Variants in TPM1 observed in about 807,000 individuals in gnomAD.
TPM1 encodes the protein tropomyosin alpha-1 chain.
Under a neutral mutation model 42.9 loss-of-function variants are expected in TPM1, and 24 were observed. The observed-to-expected ratio is 0.56, with a 90% CI of 0.41 to 0.79. TPM1 has a LOEUF of 0.79. TPM1 is among the 30% of genes least tolerant of loss of function. TPM1 has a pLI of 0.00. For missense variants in TPM1, 158 were observed against 351.8 expected (o/e 0.45, Z 4.41); for synonymous variants, 136 against 130.1 (o/e 1.05, Z -0.31).
intron 2 of TPM1, chr15:63,048,504 G>T: frequency 2.0e-6 from 3 of 1,465,580 alleles, no homozygotes; most frequent in Non-Finnish European, 2.7e-6. Flanking sequence ...GGACAGCCGC[G>T]GCAGCCGGGT....
At chr15:63,065,225 C>G in intron 9 of TPM1, 2 of 986,542 alleles carry the variant, frequency 2.0e-6, no homozygotes, top group Non-Finnish European at 1.2e-6. Flanking sequence ...AACTAATTTA[C>G]ATATTACTAA....
At chr15:63,048,816 C>A in intron 2 of TPM1, 1 of 1,443,448 alleles carries the variant, frequency 6.9e-7, no homozygotes, top group Non-Finnish European at 9.4e-7. Flanking sequence ...CTCGTCCCCA[C>A]GCCTCCAGGG....
At chr15:63,043,823 G>T in intron 1 of TPM1, 2 of 1,548,622 alleles carry the variant, frequency 1.3e-6, no homozygotes, top group Non-Finnish European at 1.7e-6. Flanking sequence ...CGAAGAGGCC[G>T]CCGCCAAGGT....
intron 4 of TPM1, 69 bp from the exon 5 acceptor site, chr15:63,060,800 C>G: frequency 1.3e-6 from 2 of 1,554,444 alleles, no homozygotes; most frequent in South Asian, 2.2e-5. Context: ...CTGATCTCTA[C>G]CCCCATGCCC....
intron 5 of TPM1, 167 bp downstream of exon 5, chr15:63,061,106 G>A (rs934885054): frequency 1.4e-6 from 2 of 1,470,418 alleles, no homozygotes; most frequent in African/African-American, 2.8e-5. Context: ...CTCGTGTGGG[G>A]TGTCTTATGT....
chr15:63,046,154 T>G (rs2032334600), intron 2 of TPM1: 1 of 152,256 alleles, frequency 6.6e-6, no homozygotes, highest in Non-Finnish European at 1.5e-5. Flanking sequence ...AGTGTGTTAC[T>G]GTACTGAATA....
chr15:63,054,682 C>T lies in TPM1; in HGVS notation c.241-2303C>T, dbSNP rs545446979. Reference sequence around the variant, plus strand: ...TTTTGAAAATCTTGCTGGCATTTCTCTAATAGGCCATAGCCTCTGTAACAA... The same window carrying T: ...TTTTGAAAATCTTGCTGGCATTTCTTTAATAGGCCATAGCCTCTGTAACAA... On this transcript the variant is annotated intron_variant, in intron 2 of 9. Transcript: ENST00000403994. 3.3e-5 allele frequency: 5 copies of T among 152,258 alleles called. No individual in the cohort carries two copies. In the East Asian group the frequency reaches 9.6e-4, roughly 29 times the overall value. 9.4% of individuals were successfully genotyped at this position (152,258 alleles called of 1,614,324 possible).
chr15:63,068,093 C>T (rs529705487), downstream of TPM1, among the ~76,000 whole-genome samples: 65 of 152,338 alleles, frequency 4.3e-4, no homozygotes, highest in African/African-American at 1.3e-3. Flanking sequence ...GCTCCCCACC[C>T]ATGGCGACAC....
chr15:63,049,550 G>T (rs28609950), intron 2 of TPM1, among the ~76,000 whole-genome samples: 4,196 of 152,278 alleles, frequency 0.028, 174 homozygotes, highest in African/African-American at 0.088. Context: ...TCGATTTTGT[G>T]TGTGTGTGTT....
chr15:63,062,207 A>G lies in TPM1; in HGVS notation c.640-8A>G. 6.2e-7 allele frequency: 1 copy of G among 1,613,732 alleles called. No individual in the cohort carries two copies. The highest frequency in any genetic ancestry group is 8.5e-7 in the Non-Finnish European group (1 of 1,179,666). ...GCCTGACATCTGGAATGCTCTTTCT[A>G]ATTACAGTACTCGCAGAAGGAAGAC... is the stretch of plus-strand genomic sequence containing the variant. On this transcript the variant is annotated splice_region_variant and splice_polypyrimidine_tract_variant and intron_variant, in intron 6 of 9. Transcript: ENST00000403994.
chr15:63,070,127 C>T (rs1030412093), downstream of TPM1: 15 of 1,461,390 alleles, frequency 1.0e-5, no homozygotes, highest in Admixed American at 6.9e-5. Context: ...GGAATAATTA[C>T]GTTCTCTTTA....
intron 4 of TPM1, 139 bp downstream of exon 4, chr15:63,059,819 C>G (rs552088592): frequency 6.4e-6 from 4 of 620,586 alleles, no homozygotes; most frequent in African/African-American, 5.5e-5. Flanking sequence ...AGCAGAGTTC[C>G]TTTGTGTCCA....
intron 4 of TPM1, among the ~76,000 whole-genome samples, chr15:63,060,412 CT>C (rs1479347109): frequency 2.6e-5 from 4 of 152,190 alleles, no homozygotes; most frequent in African/African-American, 7.2e-5. Flanking sequence ...ACCAACTTGT[CT>C]CACGTTAGTG....
At chr15:63,048,845 GC>G in intron 2 of TPM1, 2 of 1,205,076 alleles carry the variant, frequency 1.7e-6, no homozygotes, top group African/African-American at 1.5e-5. Flanking sequence ...GCGCACCTGG[GC>G]CAGCTGGCGG....
Position 63,064,097 on chromosome 15 carries a change from C to G in TPM1, c.806C>G (p.Ala269Gly), listed in dbSNP as rs1342749492. The change falls in exon 9 of 10, where the codon GCC (alanine) becomes GGC (glycine). Residue 269 changes from alanine (A) to glycine (G), a missense_variant. Around this residue, in one of 4 missense-constraint regions of TPM1, gnomAD observed 64 missense variants for 95.8 expected, o/e 0.67. Coordinates refer to ENST00000403994, the MANE Select transcript of TPM1 (RefSeq NM_001018005.2). ...TACGCTCAGAAACTGAAGTACAAAGCCATCAGCGAGGAGCTGGACCACGCT... is the reference window on the plus strand; with the variant it reads ...TACGCTCAGAAACTGAAGTACAAAGGCATCAGCGAGGAGCTGGACCACGCT... ...ELYAQKLKYK[A>G]ISEELDHALN... is the part of the protein sequence containing the mutation. 1 of 1,614,130 alleles carries G rather than the reference C, an allele frequency of 6.2e-7. No homozygotes were observed. The highest frequency in any genetic ancestry group is 1.7e-5 in the Admixed American group (1 of 60,020).
chr15:63,064,570 T>G lies in TPM1; in HGVS notation c.851+428T>G, dbSNP rs1335445563. The stretch of plus-strand genomic sequence containing the variant: ...CGTTAAATATAATTTGAAGGAACCC[T>G]TAAAGTGTCAGGTTATTGAGAATCT... On this transcript the variant is annotated intron_variant, in intron 9 of 9. Coordinates refer to ENST00000403994, the MANE Select transcript of TPM1 (RefSeq NM_001018005.2). 5.5e-5 allele frequency: 58 copies of G among 1,051,060 alleles called. 1 individual carries two copies. In the South Asian group the frequency reaches 1.6e-3, roughly 29 times the overall value. 65.1% of individuals were successfully genotyped at this position (1,051,060 alleles called of 1,614,324 possible).
chr15:63,048,228 C>A (rs1427920816), intron 2 of TPM1: 1 of 474,348 alleles, frequency 2.1e-6, no homozygotes, highest in Middle Eastern at 3.6e-4. Context: ...AGCCAGAGCC[C>A]TAGTGCAGTG....
intron 2 of TPM1, chr15:63,048,110 A>T (rs1314874788): frequency 2.4e-6 from 1 of 414,500 alleles, no homozygotes; most frequent in Non-Finnish European, 4.8e-6. Context: ...GGGAATCTGG[A>T]CTCGGGAGCG....
chr15:63,069,745 G>C (rs1213119648), downstream of TPM1: 1 of 1,215,808 alleles, frequency 8.2e-7, no homozygotes, highest in Non-Finnish European at 1.2e-6. Context: ...AAACTGCTCA[G>C]CAAGTGACCA....
Sources: gnomAD v4.1 joint callset for allele counts (sites outside exome capture counted in the v4.1 genomes callset) on GRCh38, gnomAD v4.1.1 for gene constraint, gnomAD v4.1.1 regional missense constraint, MANE v1.5 for transcripts, NCBI Gene and HGNC (gene_info 2026-07-23, HGNC 2026-07-21) for gene names.